CTNND2: variants seen among roughly 807,000 people sequenced by gnomAD.
The protein encoded by CTNND2 is catenin delta-2.
In CTNND2, 22 loss-of-function variants were observed where a neutral mutation model predicts 144.4. That is an observed-to-expected ratio of 0.15 (90% CI 0.11 to 0.22). The LOEUF (loss-of-function observed/expected upper bound fraction) is 0.22. Ranked by LOEUF, CTNND2 falls within the 10% of genes least tolerant of loss-of-function variation. CTNND2 has a pLI of 1.00. For missense variants in CTNND2, 1,353 were observed against 1,618.8 expected (o/e 0.84, Z 2.82); for synonymous variants, 751 against 695.6 (o/e 1.08, Z -1.25).
At chr5:11,311,911 C>A (rs1480382747) in intron 9 of CTNND2, among the ~76,000 whole-genome samples, 2 of 104,592 alleles carry the variant, frequency 1.9e-5, no homozygotes, top group African/African-American at 6.6e-5. Flanking sequence ...ACACACACTC[C>A]ACATACATCC....
At chr5:11,136,893 G>T (rs1756207277) in intron 12 of CTNND2, among the ~76,000 whole-genome samples, 1 of 152,294 alleles carries the variant, frequency 6.6e-6, no homozygotes, top group East Asian at 1.9e-4. Flanking sequence ...CTTTTCCTTA[G>T]GAGGGCTTTC....
At chr5:11,456,612 T>C (rs1203944864) in intron 3 of CTNND2, among the ~76,000 whole-genome samples, 1 of 152,176 alleles carries the variant, frequency 6.6e-6, no homozygotes, top group Non-Finnish European at 1.5e-5. Flanking sequence ...TTATAAATTA[T>C]ATTTTCCAAA....
chr5:11,744,268 T>A (rs1178287568), intron 1 of CTNND2, among the ~76,000 whole-genome samples: 1 of 152,212 alleles, frequency 6.6e-6, no homozygotes, highest in Non-Finnish European at 1.5e-5. Flanking sequence ...TAAGGGTGAA[T>A]CAATTGCTGC....
intron 9 of CTNND2, among the ~76,000 whole-genome samples, chr5:11,241,297 T>C (rs548403816): frequency 6.6e-6 from 1 of 152,320 alleles, no homozygotes; most frequent in African/African-American, 2.4e-5. Flanking sequence ...GACAACAATC[T>C]GTGAGGGTGA....
intron 1 of CTNND2, among the ~76,000 whole-genome samples, chr5:11,797,331 G>A (rs1791457199): frequency 6.6e-6 from 1 of 152,126 alleles, no homozygotes; most frequent in Admixed American, 6.5e-5. Context: ...CTCACCACAG[G>A]GTGGAGAATA....
chr5:11,864,753 G>A (rs1354588471), intron 1 of CTNND2, among the ~76,000 whole-genome samples: 1 of 152,122 alleles, frequency 6.6e-6, no homozygotes, highest in Non-Finnish European at 1.5e-5. Context: ...CACCAGTTGT[G>A]ATGTGCAAAA....
intron 11 of CTNND2, among the ~76,000 whole-genome samples, chr5:11,193,143 AT>A (rs1736495371): frequency 6.6e-6 from 1 of 152,192 alleles, no homozygotes; most frequent in Non-Finnish European, 1.5e-5. Context: ...AGGCACAAGA[AT>A]CCCCCTGGCT....
intron 2 of CTNND2, among the ~76,000 whole-genome samples, chr5:11,667,604 A>G (rs1365699510): frequency 6.6e-6 from 1 of 152,042 alleles, no homozygotes. Flanking sequence ...CCACTTTTTG[A>G]TGGGGTTGTT....
At chr5:11,260,694 A>G (rs560247483) in intron 9 of CTNND2, among the ~76,000 whole-genome samples, 34 of 152,252 alleles carry the variant, frequency 2.2e-4, no homozygotes, top group African/African-American at 7.5e-4. Context: ...TCACCACTCA[A>G]AGGTCCCACC....
intron 9 of CTNND2, among the ~76,000 whole-genome samples, chr5:11,295,740 C>G (rs1748882041): frequency 6.6e-6 from 1 of 152,096 alleles, no homozygotes; most frequent in African/African-American, 2.4e-5. Flanking sequence ...GGAAAGGATT[C>G]CCTATTTAAT....
At chr5:11,107,779 G>T (rs1436533188) in intron 14 of CTNND2, among the ~76,000 whole-genome samples, 1 of 152,204 alleles carries the variant, frequency 6.6e-6, no homozygotes, top group African/African-American at 2.4e-5. Flanking sequence ...CAAAACACAG[G>T]GAGGGAAGAC....
intron 16 of CTNND2, among the ~76,000 whole-genome samples, chr5:11,033,394 T>C (rs2149554572): frequency 6.6e-6 from 1 of 152,344 alleles, no homozygotes; most frequent in East Asian, 1.9e-4. Flanking sequence ...ATTCTCTGGA[T>C]GAGACTGATA....
chr5:11,535,160 C>G (rs1774099653), intron 3 of CTNND2, among the ~76,000 whole-genome samples: 1 of 150,680 alleles, frequency 6.6e-6, no homozygotes, highest in South Asian at 2.1e-4. Context: ...TGCACTCCAG[C>G]CTGGGCAACT....
At chr5:11,394,897 G>GT (rs1347195375) in intron 6 of CTNND2, among the ~76,000 whole-genome samples, 8 of 151,960 alleles carry the variant, frequency 5.3e-5, no homozygotes, top group Non-Finnish European at 1.0e-4. Flanking sequence ...GAACTACATA[G>GT]TTTTTTAGAA....
At position 11,276,754 on chromosome 5, in the gene CTNND2, G is replaced by A. The variant is rs184510553; in HGVS notation, c.1629-39931C>T. Among the ~76,000 whole-genome samples, 60 of 152,316 alleles carry A rather than the reference G, an allele frequency of 3.9e-4. No homozygotes were observed. The East Asian group carries it at 0.011, about 27-fold the overall frequency. On this transcript the variant is annotated intron_variant, in intron 9 of 21. Transcript: ENST00000304623. ...GTGGGCACAAAATCCAATGACTGGTGTCCTTATAAGAAGAGAAAGGAGAAA... is the reference window on the plus strand; with the variant it reads ...GTGGGCACAAAATCCAATGACTGGTATCCTTATAAGAAGAGAAAGGAGAAA...
chr5:11,462,932 C>G (rs1005459153), intron 3 of CTNND2, among the ~76,000 whole-genome samples: 3 of 152,074 alleles, frequency 2.0e-5, no homozygotes, highest in African/African-American at 7.2e-5. Flanking sequence ...GCCCTCCTGT[C>G]CCACATCTGC....
chr5:11,524,935 G>T (rs906122232), intron 3 of CTNND2, among the ~76,000 whole-genome samples: 3 of 151,886 alleles, frequency 2.0e-5, no homozygotes, highest in African/African-American at 7.3e-5. Flanking sequence ...TATGTTCATT[G>T]ATCCATAGCT....
chr5:10,994,519 A>T (rs1739133722), intron 18 of CTNND2, among the ~76,000 whole-genome samples: 1 of 150,124 alleles, frequency 6.7e-6, no homozygotes, highest in African/African-American at 2.5e-5. Flanking sequence ...AGGGGTGAGG[A>T]TGCTGGCATC....
intron 2 of CTNND2, among the ~76,000 whole-genome samples, chr5:11,686,518 A>G (rs1283161918): frequency 6.6e-6 from 1 of 151,956 alleles, no homozygotes; most frequent in African/African-American, 2.4e-5. Flanking sequence ...TTTGTTTTTT[A>G]TATTTGCCAC....
Sources: allele counts gnomAD v4.1 joint callset (sites outside exome capture counted in the v4.1 genomes callset), GRCh38; gene constraint gnomAD v4.1.1; transcripts MANE v1.5; gene names NCBI Gene and HGNC (gene_info 2026-07-23, HGNC 2026-07-21).